PDZD2: variants seen among roughly 807,000 people sequenced by gnomAD.
PDZD2 encodes the protein PDZ domain-containing protein 2.
PDZD2 carries 90 observed loss-of-function variants against 220.7 expected under a neutral mutation model. The ratio of observed to expected loss-of-function variants is 0.41; its 90% CI spans 0.34 to 0.49. The LOEUF is 0.49. PDZD2 is among the 20% of genes least tolerant of loss of function. PDZD2 has a pLI of 0.28. For synonymous variants in PDZD2, 1,375 were observed against 1,450.5 expected, an observed-to-expected ratio of 0.95 and a Z score of 1.18; for missense variants, 3,174 against 3,608.5, an observed-to-expected ratio of 0.88 and a Z score of 3.08.
At chr5:31,695,807 A>AGTGT (rs1747354576) in intron 1 of PDZD2, among the ~76,000 whole-genome samples, 1 of 152,148 alleles carries the variant, frequency 6.6e-6, no homozygotes, top group African/African-American at 2.4e-5. Context: ...TTGAGAGCAG[A>AGTGT]ATGTAGCACT....
At chr5:31,720,106 G>C (rs1748701010) in intron 1 of PDZD2, among the ~76,000 whole-genome samples, 2 of 152,306 alleles carry the variant, frequency 1.3e-5, no homozygotes, top group South Asian at 4.1e-4. Flanking sequence ...TCCTGAAGTT[G>C]GGTGTCTGTA....
intron 2 of PDZD2, among the ~76,000 whole-genome samples, chr5:31,969,136 G>A (rs1198965514): frequency 6.6e-6 from 1 of 152,050 alleles, no homozygotes; most frequent in Non-Finnish European, 1.5e-5. Context: ...GATGCTAGCG[G>A]GACTATGAGA....
chr5:32,015,864 T>C (rs1753748267), intron 6 of PDZD2, among the ~76,000 whole-genome samples: 2 of 151,740 alleles, frequency 1.3e-5, no homozygotes, highest in Admixed American at 6.6e-5. Flanking sequence ...GAAAAAAAAA[T>C]GGAAGTAATG....
At chr5:31,684,383 A>G (rs928008140) in intron 1 of PDZD2, among the ~76,000 whole-genome samples, 1 of 152,062 alleles carries the variant, frequency 6.6e-6, no homozygotes, top group Non-Finnish European at 1.5e-5. Flanking sequence ...CTTCTAAGCC[A>G]TCAGTATACT....
At chr5:31,828,157 G>T (rs186720766) in intron 2 of PDZD2, among the ~76,000 whole-genome samples, 1 of 152,258 alleles carries the variant, frequency 6.6e-6, no homozygotes, top group Admixed American at 6.5e-5. Context: ...GTGAACATTG[G>T]TGTACAAGCT....
At chr5:31,737,166 T>A (rs1431875550) in intron 1 of PDZD2, among the ~76,000 whole-genome samples, 2 of 137,312 alleles carry the variant, frequency 1.5e-5, no homozygotes, top group South Asian at 4.7e-4. Context: ...GCAGTCTACT[T>A]CTTTTTTTTT....
In PDZD2 at chr5:32,069,027, G is replaced by T. The variant is rs887357865; in HGVS notation, c.2452-542G>T. Among the ~76,000 whole-genome samples, 4 of 152,110 alleles carry T rather than the reference G, an allele frequency of 2.6e-5. No homozygotes were observed. In the East Asian group the frequency reaches 7.7e-4, roughly 29 times the overall value. ...TCACACCTGTAATCCCAGCACTTTG[G>T]GGGGCCGAGGTGGGTGGACCACAAG... On this transcript the variant is annotated intron_variant, in intron 14 of 24. Coordinates refer to ENST00000438447, the MANE Select transcript of PDZD2 (RefSeq NM_178140.4).
Position 31,646,354 on chromosome 5 carries a change from G to A in PDZD2, c.-361+6917G>A, listed in dbSNP as rs537055897. ...ACCCCTGAGGAATTCCAGGGACTGA[G>A]CCACCACAAATGTCTTCAGGAACCT... On this transcript the variant is annotated intron_variant, in intron 1 of 24. Coordinates refer to ENST00000438447, the MANE Select transcript of PDZD2 (RefSeq NM_178140.4). This position sits in a 1 kb window ranked among gnomAD's most constrained non-coding sequence, Gnocchi z 4.7. 1.3e-5 allele frequency among the ~76,000 whole-genome samples: 2 copies of A among 152,100 alleles called. No individual in the cohort carries two copies. Among genetic ancestry groups the A allele is most frequent in the African/African-American group, 4.8e-5 (2 of 41,472 alleles).
At chr5:31,712,376 C>T (rs78952697) in intron 1 of PDZD2, among the ~76,000 whole-genome samples, 2 of 152,030 alleles carry the variant, frequency 1.3e-5, no homozygotes, top group Non-Finnish European at 2.9e-5. Context: ...GAATGTTTTG[C>T]TCTTGGGTCA....
chr5:31,960,505 G>A (rs1188797965), intron 2 of PDZD2, among the ~76,000 whole-genome samples: 2 of 152,094 alleles, frequency 1.3e-5, no homozygotes, highest in Non-Finnish European at 2.9e-5. Context: ...CACGGTGCCC[G>A]GCCAACCCAG....
chr5:31,846,615 G>A (rs141840179), intron 2 of PDZD2, among the ~76,000 whole-genome samples: 76 of 152,300 alleles, frequency 5.0e-4, no homozygotes, highest in African/African-American at 1.2e-3. Context: ...TCACCACCCC[G>A]TCTGTGTGTC....
chr5:31,695,719 C>A (rs1315833854), intron 1 of PDZD2, among the ~76,000 whole-genome samples: 1 of 152,188 alleles, frequency 6.6e-6, no homozygotes, highest in Non-Finnish European at 1.5e-5. Context: ...CAGGCAGGGG[C>A]AGCCTCTTTT....
intron 2 of PDZD2, among the ~76,000 whole-genome samples, chr5:31,859,525 C>T (rs1007348182): frequency 1.1e-4 from 17 of 152,290 alleles, no homozygotes; most frequent in African/African-American, 3.6e-4. Flanking sequence ...TTTATAACCT[C>T]CTGTTACTGT....
intron 2 of PDZD2, among the ~76,000 whole-genome samples, chr5:31,911,861 C>G (rs376264093): frequency 3.9e-5 from 6 of 152,256 alleles, no homozygotes; most frequent in African/African-American, 7.2e-5. Flanking sequence ...AATGGGTGAC[C>G]CTTGCCGCCT....
rs1581348531 is a variant in PDZD2, at chr5:32,039,877, G to A, written c.1519+2535G>A. Among the ~76,000 whole-genome samples, 3 of 145,234 alleles carry A rather than the reference G, an allele frequency of 2.1e-5. No individual in the cohort carries two copies. In the South Asian group the frequency reaches 6.7e-4, roughly 33 times the overall value. On this transcript the variant is annotated intron_variant, in intron 7 of 24. Coordinates refer to ENST00000438447, the MANE Select transcript of PDZD2 (RefSeq NM_178140.4). ...GCCTCTGCCCGGCTGCCCCATCTGG[G>A]AGGAAGTGAGGAGCGCCTCTGCCCG...
At chr5:31,998,449 T>G (rs1751820092) in intron 4 of PDZD2, among the ~76,000 whole-genome samples, 3 of 151,638 alleles carry the variant, frequency 2.0e-5, no homozygotes, top group South Asian at 4.2e-4. Context: ...AGACAGAAAG[T>G]GAGAGAAAAG....
chr5:31,799,774 G>T (rs953167669), intron 2 of PDZD2, 50 bp downstream of exon 2: 3 of 1,209,050 alleles, frequency 2.5e-6, no homozygotes, highest in Non-Finnish European at 3.7e-6. Context: ...CGGGAACCTG[G>T]TGGTTCCCAG....
chr5:31,930,690 G>A (rs1745202012), intron 2 of PDZD2, among the ~76,000 whole-genome samples: 1 of 152,198 alleles, frequency 6.6e-6, no homozygotes, highest in South Asian at 2.1e-4. Context: ...GTAGACAACT[G>A]AGGAGGTGAG....
At chr5:32,049,207 C>T (rs1484438153) in intron 8 of PDZD2, among the ~76,000 whole-genome samples, 3 of 152,140 alleles carry the variant, frequency 2.0e-5, no homozygotes, top group Non-Finnish European at 2.9e-5. Flanking sequence ...AACCTGCTCC[C>T]GTCTGAGATC....
Sources: gnomAD v4.1 joint callset for allele counts (sites outside exome capture counted in the v4.1 genomes callset) on GRCh38, gnomAD v4.1.1 for gene constraint, Gnocchi (gnomAD v3.1) non-coding constraint, MANE v1.5 for transcripts, NCBI Gene and HGNC (gene_info 2026-07-23, HGNC 2026-07-21) for gene names.